Variants in RNF103 observed in about 807,000 individuals in gnomAD.
RNF103 encodes E3 ubiquitin-protein ligase RNF103.
A neutral mutation model predicts 66.2 loss-of-function variants in RNF103; 23 were observed. The observed-to-expected ratio is 0.35, with a 90% CI of 0.25 to 0.49. The LOEUF is 0.49. RNF103 is among the 20% of genes least tolerant of loss of function. The probability of loss-of-function intolerance (pLI) is 0.98; values close to 1 mark genes in which losing one functional copy is unlikely to be tolerated. For missense variants in RNF103, 730 were observed against 814.7 expected, an observed-to-expected ratio of 0.90 and a Z score of 1.27; for synonymous variants, 297 against 289.9, an observed-to-expected ratio of 1.02 and a Z score of -0.25.
chr2:86,618,587 T>A (rs1030005956), intron 2 of RNF103: 1 of 152,272 alleles, frequency 6.6e-6, no homozygotes, highest in Non-Finnish European at 1.5e-5. Context: ...GGCAGCAGCC[T>A]ATATAGCAAA....
rs758689566 is a variant in RNF103 at position 86,604,629 on chromosome 2, G to A, written c.1272C>T (p.Tyr424=). Residue 424 remains tyrosine (Y), a synonymous_variant, in exon 4 of 4, where the codon TAC becomes TAT. Transcript: ENST00000237455. ...SSHPALFLST[Y]LGHGLLIDYF... is the part of the protein sequence containing the mutation. Reference sequence around the variant, plus strand: ...AATCAATTAGTAAACCATGACCAAGGTATGTACTGAGAAACAGGGCTGGGT... The same window carrying A: ...AATCAATTAGTAAACCATGACCAAGATATGTACTGAGAAACAGGGCTGGGT... 3 of 1,614,122 alleles carry A rather than the reference G, an allele frequency of 1.9e-6. No homozygotes were observed. The highest frequency in any genetic ancestry group is 1.1e-5 in the South Asian group (1 of 91,084).
Position 86,604,228 on chromosome 2 carries a change from T to C in RNF103, c.1673A>G (p.Gln558Arg). The C allele has an allele frequency of 6.2e-7, 1 of 1,614,186 alleles. No individual in the cohort carries two copies. ...TCCTGGAGAATTGTGAAGTACGCTT[T>C]GCTTATCTTCAAATACTTCCTTCTC... Reference protein sequence around the residue: ...SSEKEVFEDKQSVLHNSPGTA... With the variant: ...SSEKEVFEDKRSVLHNSPGTA... Residue 558 changes from glutamine to arginine, a missense_variant, in exon 4 of 4, where the codon CAA becomes CGA. By Grantham distance (43) the Gln-to-Arg change is conservative (BLOSUM62 1). This residue lies in a region of RNF103 where 355 missense variants were observed against 351.9 expected (regional missense o/e 1.01). Coordinates refer to ENST00000237455, the MANE Select transcript of RNF103 (RefSeq NM_005667.4).
intron 3 of RNF103, 118 bp from the exon 4 acceptor site, chr2:86,605,536 G>T: frequency 9.8e-7 from 1 of 1,020,998 alleles, no homozygotes; most frequent in Non-Finnish European, 1.4e-6. Context: ...TAATCAAAAA[G>T]TGGTACCACT....
Position 86,622,872 on chromosome 2 carries a change from A to C in RNF103, c.15T>G (p.Leu5=), listed in dbSNP as rs567091185. The C allele has an allele frequency of 1.3e-5, 21 of 1,608,152 alleles. No homozygotes were observed. Among genetic ancestry groups the C allele is most frequent in the South Asian group, 1.2e-4 (11 of 90,364 alleles). The stretch of plus-strand genomic sequence containing the variant: ...CCAGGAAATAGAGGAGCAAGAAAAA[A>C]AGCTTCAGCCACATCTTCCCTGGAG... The part of the protein sequence containing the change: MWLK[L]FFLLLYFLVL... Residue 5 remains leucine (L), a synonymous_variant, in exon 1 of 4, where the codon CTT becomes CTG. Coordinates refer to ENST00000237455, the MANE Select transcript of RNF103 (RefSeq NM_005667.4).
chr2:86,606,619 C>T (rs535638896), intron 3 of RNF103, among the ~76,000 whole-genome samples: 34 of 145,086 alleles, frequency 2.3e-4, no homozygotes, highest in Non-Finnish European at 3.7e-4. Flanking sequence ...GCCGAGATCA[C>T]GCCACTGCAC....
intron 2 of RNF103, chr2:86,615,263 C>T (rs1678970858): frequency 1.0e-6 from 1 of 984,976 alleles, no homozygotes; most frequent in Non-Finnish European, 1.2e-6. Context: ...CAGAGCTACA[C>T]AAAAATGAAA....
chr2:86,604,575 G>A lies in RNF103; in HGVS notation c.1326C>T (p.Asn442=). The A allele has an allele frequency of 1.2e-6, 2 of 1,614,194 alleles. No homozygotes were observed. The highest frequency in any genetic ancestry group is 8.5e-7 in the Non-Finnish European group (1 of 1,180,028). The change falls in exon 4 of 4, where the codon AAC becomes AAT. Residue 442 remains asparagine, a synonymous_variant. Transcript: ENST00000237455. ...TATTGGCATTGACTTCATCATTGTT[G>A]TTGTTGCGCCTTCTCTTCTTCTCAA... ...DYFEKKRRRN[N]NNDEVNANNL...
chr2:86,623,397 G>C lies in RNF103; in HGVS notation c.-511C>G. The C allele has an allele frequency of 1.0e-6, 1 of 979,456 alleles. No individual in the cohort carries two copies. The highest frequency in any genetic ancestry group is 1.2e-6 in the Non-Finnish European group (1 of 826,202). The allele number at this position is 979,456 out of a possible 1,614,324, so 60.7% of individuals were successfully genotyped here. On this transcript the variant is annotated 5_prime_UTR_variant, in exon 1 of 4. Coordinates refer to ENST00000237455, the MANE Select transcript of RNF103 (RefSeq NM_005667.4). ...GTGGGGGCCGGACTCCCGCGGCCGC[G>C]GGTCAGGAGGGCGCGGCGCTCGGCC...
Position 86,604,227 on chromosome 2 carries a change from T to G in RNF103, c.1674A>C (p.Gln558His). ...TTCCTGGAGAATTGTGAAGTACGCTTTGCTTATCTTCAAATACTTCCTTCT... is the reference window on the plus strand; with the variant it reads ...TTCCTGGAGAATTGTGAAGTACGCTGTGCTTATCTTCAAATACTTCCTTCT... ...SSEKEVFEDK[Q>H]SVLHNSPGTA... Residue 558 changes from glutamine (Q) to histidine (H), a missense_variant, in exon 4 of 4, where the codon CAA (glutamine) becomes CAC (histidine). Transcript: ENST00000237455. 6.2e-7 allele frequency: 1 copy of G among 1,614,162 alleles called. No individual in the cohort carries two copies. The highest frequency in any genetic ancestry group is 2.2e-5 in the East Asian group (1 of 44,890).
chr2:86,616,358 A>G (rs1679018599), intron 2 of RNF103: 5 of 461,648 alleles, frequency 1.1e-5, no homozygotes, highest in Non-Finnish European at 1.4e-5. Context: ...TCAAAATCAT[A>G]AGCCAACCTA....
chr2:86,608,486 CAAAAAA>C (rs1222638516), intron 3 of RNF103, among the ~76,000 whole-genome samples: 2,950 of 39,986 alleles, frequency 0.074, 108 homozygotes, highest in African/African-American at 0.21. Flanking sequence ...GACTCCATCT[CAAAAAA>C]AAAAAAAAAA....
intron 3 of RNF103, among the ~76,000 whole-genome samples, chr2:86,608,868 T>C (rs141572772): frequency 6.6e-6 from 1 of 152,178 alleles, no homozygotes; most frequent in Non-Finnish European, 1.5e-5. Flanking sequence ...TGAGAAGAGG[T>C]AGAGCCAGGC....
intron 2 of RNF103, chr2:86,618,315 T>A (rs114915024): frequency 1.5e-5 from 3 of 195,940 alleles, no homozygotes; most frequent in South Asian, 1.5e-4. Context: ...TTTATTTATT[T>A]GGTGTCTGCC....
chr2:86,621,223 C>G (rs1679215775), intron 1 of RNF103, among the ~76,000 whole-genome samples: 1 of 151,962 alleles, frequency 6.6e-6, no homozygotes, highest in Non-Finnish European at 1.5e-5. Flanking sequence ...CTGGGCTGTG[C>G]GTCTTAAAGT....
rs1229585005 is a variant in RNF103 at position 86,623,687 on chromosome 2, G to T, written c.-801C>A. The T allele has an allele frequency of 8.2e-7, 1 of 1,221,886 alleles. No homozygotes were observed. The highest frequency in any genetic ancestry group is 1.6e-5 in the African/African-American group (1 of 60,858). The allele number at this position is 1,221,886 out of a possible 1,614,324, so 75.7% of individuals were successfully genotyped here. A position where few individuals can be genotyped will look rare whatever the true frequency, so the allele number is the denominator to read the frequency against. On this transcript the variant is annotated 5_prime_UTR_variant, in exon 1 of 4. Coordinates refer to ENST00000237455, the MANE Select transcript of RNF103 (RefSeq NM_005667.4). The stretch of plus-strand genomic sequence containing the variant: ...AGGGAAAAAACCAATAATAGGCCCC[G>T]AGACTGCTCCTCCAGGCGGCTACCC...
At chr2:86,605,942 AGTCACTG>A (rs1678528564) in intron 3 of RNF103, among the ~76,000 whole-genome samples, 2 of 152,290 alleles carry the variant, frequency 1.3e-5, no homozygotes, top group South Asian at 4.1e-4. Flanking sequence ...CCTAAGGCTG[AGTCACTG>A]GTTTGGTGCA....
chr2:86,620,610 C>G, intron 1 of RNF103, 141 bp from the exon 2 acceptor site: 5 of 1,120,530 alleles, frequency 4.5e-6, no homozygotes, highest in Non-Finnish European at 5.8e-6. Context: ...CTAGAAGAAC[C>G]TGGATATACC....
chr2:86,612,171 G>C lies in RNF103; in HGVS notation c.470C>G (p.Ser157Cys). Residue 157 changes from serine to cysteine, a missense_variant, in exon 3 of 4, where the codon TCC becomes TGC. Around this residue, in one of 3 missense-constraint regions of RNF103, gnomAD observed 327 missense variants for 369.8 expected, o/e 0.88. Transcript: ENST00000237455. ...FGIRTGTFNC[S>C]SDPRYCRRRG... is the part of the protein sequence containing the mutation. ...CTAATCAACTTACCTGGGATCACTG[G>C]AACAGTTAAATGTGCCTGTACGTAT... 6.2e-7 allele frequency: 1 copy of C among 1,608,426 alleles called. No homozygotes were observed. The highest frequency in any genetic ancestry group is 8.5e-7 in the Non-Finnish European group (1 of 1,177,452).
intron 2 of RNF103, chr2:86,612,807 C>T (rs1008294671): frequency 2.0e-5 from 3 of 152,302 alleles, no homozygotes; most frequent in Non-Finnish European, 2.9e-5. Context: ...AGTTCTATGG[C>T]TTTTTGCTTA....
Sources: allele counts gnomAD v4.1 joint callset (sites outside exome capture counted in the v4.1 genomes callset), GRCh38; gene constraint gnomAD v4.1.1; regional missense constraint gnomAD v4.1.1; transcripts MANE v1.5; gene names NCBI Gene and HGNC (gene_info 2026-07-23, HGNC 2026-07-21).